FSTL5: variants seen among roughly 807,000 people sequenced by gnomAD.
FSTL5 encodes follistatin-related protein 5.
Under a neutral mutation model 89.1 loss-of-function variants are expected in FSTL5, and 62 were observed. The observed-to-expected ratio is 0.70, with a 90% confidence interval of 0.57 to 0.86. The LOEUF is 0.86. FSTL5 is among the 40% of genes least tolerant of loss of function. The probability of loss-of-function intolerance (pLI) is 0.00; values close to 1 mark genes in which losing one functional copy is unlikely to be tolerated. For missense variants in FSTL5, 1,057 were observed against 1,001.6 expected, an observed-to-expected ratio of 1.06 and a Z score of -0.75; for synonymous variants, 383 against 346.2, an observed-to-expected ratio of 1.11 and a Z score of -1.18.
At chr4:162,153,835 C>A (rs1733363119) in intron 1 of FSTL5, among the ~76,000 whole-genome samples, 1 of 146,148 alleles carries the variant, frequency 6.8e-6, no homozygotes, top group Non-Finnish European at 1.5e-5. Context: ...GACGGACTTT[C>A]ACTCTTGTTG....
Position 161,888,916 on chromosome 4 carries a change from ATATT to A in FSTL5, c.409+31484_409+31487del, listed in dbSNP as rs529587948. On this transcript the variant is annotated intron_variant, in intron 4 of 15. Coordinates refer to ENST00000306100, the MANE Select transcript of FSTL5 (RefSeq NM_020116.5). ...CGTGAGTCATCTATCTATACAACATATATTTTTATTTTTTAAGCATTTCACAAAA... is the reference window on the plus strand; with the variant it reads ...CGTGAGTCATCTATCTATACAACATATTTATTTTTTAAGCATTTCACAAAA... Among the ~76,000 whole-genome samples the A allele has an allele frequency of 2.0e-5, 3 of 152,198 alleles. No homozygotes were observed. In the South Asian group the frequency reaches 6.2e-4, roughly 32 times the overall value.
chr4:161,682,757 T>A (rs1737567568), intron 6 of FSTL5, among the ~76,000 whole-genome samples: 1 of 152,016 alleles, frequency 6.6e-6, no homozygotes, highest in Non-Finnish European at 1.5e-5. Context: ...CTTTTTTTTT[T>A]ATTTTTTGAG....
intron 6 of FSTL5, among the ~76,000 whole-genome samples, chr4:161,717,597 T>C (rs996904503): frequency 2.0e-5 from 3 of 152,210 alleles, no homozygotes; most frequent in Non-Finnish European, 4.4e-5. Flanking sequence ...CTTTGAATTC[T>C]GCAAAAGAGT....
intron 8 of FSTL5, among the ~76,000 whole-genome samples, chr4:161,562,107 A>T (rs1732626217): frequency 6.6e-6 from 1 of 151,972 alleles, no homozygotes; most frequent in Non-Finnish European, 1.5e-5. Context: ...GTTCATGCTC[A>T]TGGTTTTGCA....
intron 3 of FSTL5, among the ~76,000 whole-genome samples, chr4:161,970,297 T>C (rs1439616836): frequency 6.6e-6 from 1 of 152,062 alleles, no homozygotes; most frequent in Non-Finnish European, 1.5e-5. Flanking sequence ...ATTTAGCAAG[T>C]TTATCTTGAT....
intron 1 of FSTL5, among the ~76,000 whole-genome samples, chr4:162,125,955 T>C (rs1350829623): frequency 6.6e-6 from 1 of 152,070 alleles, no homozygotes; most frequent in Non-Finnish European, 1.5e-5. Flanking sequence ...ATTTTCAGTA[T>C]TATCTCCTTT....
intron 10 of FSTL5, among the ~76,000 whole-genome samples, chr4:161,531,091 T>C (rs2126530046): frequency 6.6e-6 from 1 of 152,304 alleles, no homozygotes; most frequent in South Asian, 2.1e-4. Flanking sequence ...ATCTTAGTTA[T>C]GAAAACCTAT....
chr4:161,749,544 T>C lies in FSTL5; in HGVS notation c.727+9867A>G, dbSNP rs557693674. Among the ~76,000 whole-genome samples, 3 of 152,252 alleles carry C rather than the reference T, an allele frequency of 2.0e-5. No homozygotes were observed. The East Asian group carries it at 5.8e-4, about 30-fold the overall frequency. On this transcript the variant is annotated intron_variant, in intron 6 of 15. Transcript: ENST00000306100. ...CCGGCGCGGTGGCTCACGCCTGTAA[T>C]CCCAGCACTTCGGGAGGCTGAGGCG... is the stretch of plus-strand genomic sequence containing the variant.
At chr4:161,817,596 G>A (rs1337312474) in intron 4 of FSTL5, among the ~76,000 whole-genome samples, 1 of 152,052 alleles carries the variant, frequency 6.6e-6, no homozygotes, top group African/African-American at 2.4e-5. Context: ...ATTCTTAGCA[G>A]TTTTATTTTT....
chr4:161,944,712 G>A (rs1165368371), intron 3 of FSTL5, among the ~76,000 whole-genome samples: 3 of 151,568 alleles, frequency 2.0e-5, no homozygotes, highest in Non-Finnish European at 4.4e-5. Flanking sequence ...TAATTGTTTG[G>A]TTTTAGCAAA....
intron 8 of FSTL5, among the ~76,000 whole-genome samples, chr4:161,556,454 G>C (rs1006983636): frequency 6.6e-6 from 1 of 151,428 alleles, no homozygotes; most frequent in Admixed American, 6.6e-5. Flanking sequence ...TCTTGCATCA[G>C]ACAGGATTAC....
chr4:161,853,355 C>T (rs1313046144), intron 4 of FSTL5, among the ~76,000 whole-genome samples: 9 of 151,996 alleles, frequency 5.9e-5, no homozygotes, highest in Admixed American at 4.6e-4. Context: ...GCAACCTCCG[C>T]TTCCTGGGTT....
intron 2 of FSTL5, among the ~76,000 whole-genome samples, chr4:162,090,759 C>G (rs1730518666): frequency 6.6e-6 from 1 of 151,834 alleles, no homozygotes; most frequent in South Asian, 2.1e-4. Context: ...GTGGAGGTTC[C>G]AGTGAGCCGA....
chr4:161,422,047 C>T (rs751657935), intron 15 of FSTL5, among the ~76,000 whole-genome samples: 20 of 151,366 alleles, frequency 1.3e-4, no homozygotes, highest in Non-Finnish European at 4.4e-5. Flanking sequence ...ATATTATATA[C>T]GGCATATATA....
intron 6 of FSTL5, among the ~76,000 whole-genome samples, chr4:161,675,878 G>T (rs1579012732): frequency 1.3e-5 from 2 of 152,054 alleles, no homozygotes; most frequent in Admixed American, 1.3e-4. Context: ...TATTACAAAA[G>T]ATGTACTAGA....
chr4:161,908,977 C>T (rs1733616613), intron 4 of FSTL5, among the ~76,000 whole-genome samples: 1 of 152,150 alleles, frequency 6.6e-6, no homozygotes, highest in Middle Eastern at 3.4e-3. Context: ...CGCTCATTGA[C>T]CGGAAATGGA....
intron 1 of FSTL5, among the ~76,000 whole-genome samples, chr4:162,155,232 C>G (rs937997233): frequency 2.6e-5 from 4 of 152,184 alleles, no homozygotes; most frequent in African/African-American, 9.7e-5. Context: ...CTAGCTGGCC[C>G]TGACTGGATA....
At chr4:161,789,925 T>C (rs1178395564) in intron 4 of FSTL5, among the ~76,000 whole-genome samples, 1 of 152,222 alleles carries the variant, frequency 6.6e-6, no homozygotes, top group Non-Finnish European at 1.5e-5. Flanking sequence ...TTTGTTTTAA[T>C]TTTTCCATTC....
At chr4:161,766,869 T>C (rs977659765) in intron 5 of FSTL5, among the ~76,000 whole-genome samples, 2 of 151,848 alleles carry the variant, frequency 1.3e-5, no homozygotes, top group Non-Finnish European at 2.9e-5. Context: ...GATAGATGGA[T>C]ATACAGATAC....
Sources: gnomAD v4.1 joint callset for allele counts (sites outside exome capture counted in the v4.1 genomes callset) on GRCh38, gnomAD v4.1.1 for gene constraint, MANE v1.5 for transcripts, NCBI Gene and HGNC (gene_info 2026-07-23, HGNC 2026-07-21) for gene names.